TCF12: variants seen among roughly 807,000 people sequenced by gnomAD.
TCF12 encodes the protein DNA-binding protein HTF4.
Under a neutral mutation model 86.0 loss-of-function variants are expected in TCF12, and 45 were observed. The observed-to-expected ratio is 0.52, with a 90% CI of 0.41 to 0.67. The LOEUF (loss-of-function observed/expected upper bound fraction) is 0.67, where lower values mean the gene tolerates loss of function less well. TCF12 is among the 30% of genes least tolerant of loss of function. TCF12 has a pLI of 0.00. For synonymous variants in TCF12, 330 were observed against 299.6 expected (o/e 1.10, Z -1.05); for missense variants, 881 against 859.9 (o/e 1.02, Z -0.31).
At chr15:57,058,249 C>A (rs1829035643) in intron 3 of TCF12, among the ~76,000 whole-genome samples, 1 of 152,116 alleles carries the variant, frequency 6.6e-6, no homozygotes, top group Non-Finnish European at 1.5e-5. Context: ...TCCTTTTGGC[C>A]CTGTACTCTT....
chr15:56,972,547 A>G (rs770025256), intron 3 of TCF12, among the ~76,000 whole-genome samples: 7 of 152,206 alleles, frequency 4.6e-5, no homozygotes, highest in Admixed American at 6.5e-5. Flanking sequence ...TTGCTTAGGT[A>G]GTAAAGAAGC....
chr15:57,013,030 C>G (rs532405503), intron 3 of TCF12, among the ~76,000 whole-genome samples: 1 of 151,330 alleles, frequency 6.6e-6, no homozygotes, highest in Non-Finnish European at 1.5e-5. Context: ...TGTAAGATAC[C>G]GCAGATTTTT....
intron 3 of TCF12, among the ~76,000 whole-genome samples, chr15:56,947,419 C>T (rs1304127179): frequency 1.5e-4 from 23 of 152,148 alleles, no homozygotes; most frequent in Admixed American, 1.4e-3. Context: ...CAAATTCCAG[C>T]TGCCTTTTCC....
At position 56,932,591 on chromosome 15, in the gene TCF12, CAG is replaced by C. The variant is rs1384844318; in HGVS notation, c.148+11496_148+11497del. Among the ~76,000 whole-genome samples the C allele has an allele frequency of 3.9e-5, 6 of 152,054 alleles. No individual in the cohort carries two copies. The South Asian group carries it at 6.2e-4, about 16-fold the overall frequency. ...TTATTATTATTATTATTTTGGGAGA[CAG>C]AGTGTGGCTCTGTCGCCCAGGCTGG... On this transcript the variant is annotated intron_variant, in intron 3 of 20. Coordinates refer to ENST00000333725, the MANE Select transcript of TCF12 (RefSeq NM_207037.2).
chr15:57,256,603 G>A (rs2060360590), intron 16 of TCF12, among the ~76,000 whole-genome samples: 1 of 124,454 alleles, frequency 8.0e-6, no homozygotes, highest in Non-Finnish European at 1.6e-5. Context: ...CTTTCCAGAA[G>A]TTTGTCGATT....
At position 57,286,827 on chromosome 15, in the gene TCF12, T is replaced by C; in HGVS notation, c.*682T>C. 1 of 375,794 alleles carries C rather than the reference T, an allele frequency of 2.7e-6. No homozygotes were observed. Among genetic ancestry groups the C allele is most frequent in the Non-Finnish European group, 5.2e-6 (1 of 191,750 alleles). 23.3% of individuals were successfully genotyped at this position (375,794 alleles called of 1,614,324 possible). A position where few individuals can be genotyped will look rare whatever the true frequency, so the allele number is the denominator to read the frequency against. On this transcript the variant is annotated 3_prime_UTR_variant, in exon 21 of 21. Coordinates refer to ENST00000333725, the MANE Select transcript of TCF12 (RefSeq NM_207037.2). Reference sequence around the variant, plus strand: ...ATTTTTATTTTCTCTTTGTGGGTGTTATATTTGATCTCTAAATCTGAACAG... The same window carrying C: ...ATTTTTATTTTCTCTTTGTGGGTGTCATATTTGATCTCTAAATCTGAACAG...
chr15:56,918,504 A>G (rs972408492), upstream of TCF12: 1 of 309,534 alleles, frequency 3.2e-6, no homozygotes, highest in Non-Finnish European at 6.4e-6. Flanking sequence ...GGCTTTGTCC[A>G]CCCGCCGCGG....
At chr15:57,026,975 ATTT>A (rs1163697062) in intron 3 of TCF12, among the ~76,000 whole-genome samples, 1 of 151,876 alleles carries the variant, frequency 6.6e-6, no homozygotes, top group African/African-American at 2.4e-5. Flanking sequence ...AATTTGTATT[ATTT>A]TTTATTTTAT....
chr15:56,971,159 C>T (rs1272151616), intron 3 of TCF12, among the ~76,000 whole-genome samples: 8 of 152,148 alleles, frequency 5.3e-5, no homozygotes, highest in African/African-American at 2.4e-5. Context: ...AGCCTTGGCT[C>T]ACGCCTGTAA....
At chr15:57,170,698 TATATATA>T (rs1567558556) in intron 6 of TCF12, among the ~76,000 whole-genome samples, 203 of 2,654 alleles carry the variant, frequency 0.076, 1 homozygote, top group Middle Eastern at 0.5. Context: ...TAATATATAT[TATATATA>T]ATATATAATA....
chr15:57,045,300 C>T (rs2067159074), intron 3 of TCF12, among the ~76,000 whole-genome samples: 1 of 152,152 alleles, frequency 6.6e-6, no homozygotes, highest in Non-Finnish European at 1.5e-5. Context: ...ATTAATACGT[C>T]AAATTCTTTT....
At chr15:57,098,749 C>T (rs1251533489) in intron 5 of TCF12, among the ~76,000 whole-genome samples, 1 of 152,186 alleles carries the variant, frequency 6.6e-6, no homozygotes, top group African/African-American at 2.4e-5. Flanking sequence ...CAGAACCTAA[C>T]TTAAACCGGG....
chr15:57,115,781 G>A (rs2050796447), intron 5 of TCF12, among the ~76,000 whole-genome samples: 1 of 152,130 alleles, frequency 6.6e-6, no homozygotes, highest in African/African-American at 2.4e-5. Flanking sequence ...TACCATGGAT[G>A]ACAATTTACT....
chr15:57,075,446 C>G (rs1290273609), intron 4 of TCF12, among the ~76,000 whole-genome samples: 1 of 152,052 alleles, frequency 6.6e-6, no homozygotes, highest in Non-Finnish European at 1.5e-5. Flanking sequence ...TTCCTTGTCA[C>G]TGAAATTAGT....
intron 16 of TCF12, among the ~76,000 whole-genome samples, chr15:57,254,965 G>A (rs1034925955): frequency 6.6e-6 from 1 of 151,730 alleles, no homozygotes; most frequent in East Asian, 1.9e-4. Flanking sequence ...AAAGGAATTT[G>A]TTACAAATGT....
chr15:57,238,021 G>A (rs1445562226), intron 12 of TCF12, among the ~76,000 whole-genome samples: 9 of 152,152 alleles, frequency 5.9e-5, no homozygotes, highest in East Asian at 1.9e-4. Context: ...TTTAGGAAAA[G>A]TATTGATAAC....
intron 3 of TCF12, among the ~76,000 whole-genome samples, chr15:56,943,969 C>T (rs911916911): frequency 1.3e-5 from 2 of 152,122 alleles, no homozygotes; most frequent in Non-Finnish European, 2.9e-5. Flanking sequence ...AATTTTTAGG[C>T]AGCCAGTCTG....
At chr15:57,011,360 C>G (rs2064819708) in intron 3 of TCF12, among the ~76,000 whole-genome samples, 1 of 151,980 alleles carries the variant, frequency 6.6e-6, no homozygotes, top group African/African-American at 2.4e-5. Flanking sequence ...TGTTCCTGCT[C>G]TCCCCATGTG....
At chr15:57,086,515 A>C (rs2048639973) in intron 4 of TCF12, among the ~76,000 whole-genome samples, 1 of 151,940 alleles carries the variant, frequency 6.6e-6, no homozygotes, top group Non-Finnish European at 1.5e-5. Context: ...TTATAACACA[A>C]ATTTAAATTA....
Sources: gnomAD v4.1 joint callset for allele counts (sites outside exome capture counted in the v4.1 genomes callset) on GRCh38, gnomAD v4.1.1 for gene constraint, MANE v1.5 for transcripts, NCBI Gene and HGNC (gene_info 2026-07-23, HGNC 2026-07-21) for gene names.